HHAT: variants seen among roughly 807,000 people sequenced by gnomAD.
HHAT encodes hedgehog acyltransferase.
In HHAT, 47 loss-of-function variants were observed where a neutral mutation model predicts 70.8. The observed-to-expected ratio is 0.66, with a 90% CI of 0.53 to 0.85. The LOEUF (loss-of-function observed/expected upper bound fraction) is 0.85. Ranked by LOEUF, HHAT falls within the 40% of genes least tolerant of loss-of-function variation. HHAT has a pLI of 0.00. For synonymous variants in HHAT, 228 were observed against 247.6 expected, an observed-to-expected ratio of 0.92 and a Z score of 0.74; for missense variants, 609 against 604.8, an observed-to-expected ratio of 1.01 and a Z score of -0.07.
At chr1:210,667,921 T>A (rs1264263830) in intron 11 of HHAT, among the ~76,000 whole-genome samples, 1 of 152,194 alleles carries the variant, frequency 6.6e-6, no homozygotes, top group African/African-American at 2.4e-5. Flanking sequence ...CTCGAGTTTT[T>A]TTCGTCTTGC....
intron 9 of HHAT, among the ~76,000 whole-genome samples, chr1:210,580,585 C>T (rs551753775): frequency 8.1e-5 from 12 of 148,452 alleles, no homozygotes; most frequent in South Asian, 2.2e-4. Context: ...TGAGAACATG[C>T]GGTGTTTGGT....
intron 7 of HHAT, among the ~76,000 whole-genome samples, chr1:210,422,442 T>C (rs2092931501): frequency 6.6e-6 from 1 of 152,216 alleles, no homozygotes; most frequent in Non-Finnish European, 1.5e-5. Flanking sequence ...GTATTTTATC[T>C]TCTGTTTTTT....
chr1:210,489,742 G>A (rs1423745118), intron 8 of HHAT, among the ~76,000 whole-genome samples: 2 of 152,130 alleles, frequency 1.3e-5, no homozygotes, highest in South Asian at 4.1e-4. Flanking sequence ...TGTGAATCTG[G>A]GAAAACTGCC....
chr1:210,522,857 C>T (rs2095181496), intron 9 of HHAT, among the ~76,000 whole-genome samples: 1 of 152,092 alleles, frequency 6.6e-6, no homozygotes, highest in African/African-American at 2.4e-5. Flanking sequence ...TTAGATAACT[C>T]ATGAAACCTT....
intron 9 of HHAT, among the ~76,000 whole-genome samples, chr1:210,564,246 A>T (rs1224574380): frequency 6.6e-6 from 1 of 151,926 alleles, no homozygotes; most frequent in African/African-American, 2.4e-5. Flanking sequence ...TACAGGCATG[A>T]GCCACCGCGC....
intron 9 of HHAT, among the ~76,000 whole-genome samples, chr1:210,519,311 A>C (rs2095112493): frequency 6.6e-6 from 1 of 152,198 alleles, no homozygotes; most frequent in Non-Finnish European, 1.5e-5. Flanking sequence ...TGCAGTAAAC[A>C]TGGGAGTGCA....
intron 3 of HHAT, among the ~76,000 whole-genome samples, chr1:210,383,200 TGTG>T (rs2148124152): frequency 6.6e-6 from 1 of 151,930 alleles, no homozygotes; most frequent in South Asian, 2.1e-4. Context: ...ATTAGCCAGG[TGTG>T]GTGGTATGCA....
chr1:210,634,502 C>T (rs1317116026), intron 11 of HHAT, among the ~76,000 whole-genome samples: 1 of 152,178 alleles, frequency 6.6e-6, no homozygotes, highest in Non-Finnish European at 1.5e-5. Context: ...CTGAAAAATA[C>T]CAGACAACAT....
At chr1:210,626,785 G>C (rs942506361) in intron 11 of HHAT, among the ~76,000 whole-genome samples, 13 of 152,120 alleles carry the variant, frequency 8.5e-5, no homozygotes, top group Admixed American at 7.9e-4. Flanking sequence ...CTCAGTCTCT[G>C]CTGGGGGTGT....
At chr1:210,522,990 C>T (rs1033078631) in intron 9 of HHAT, among the ~76,000 whole-genome samples, 4 of 152,152 alleles carry the variant, frequency 2.6e-5, no homozygotes, top group African/African-American at 7.2e-5. Flanking sequence ...ACACTCCATG[C>T]AGATGTTAGT....
chr1:210,491,047 GACACAC>G (rs938038416), intron 8 of HHAT, among the ~76,000 whole-genome samples: 1 of 125,124 alleles, frequency 8.0e-6, no homozygotes, highest in African/African-American at 3.2e-5. Flanking sequence ...ATTTTTGTGA[GACACAC>G]ACACACACAT....
chr1:210,340,170 T>C (rs2085882039), intron 1 of HHAT, among the ~76,000 whole-genome samples: 1 of 139,718 alleles, frequency 7.2e-6, no homozygotes, highest in Non-Finnish European at 1.5e-5. Context: ...CAAAACCCAG[T>C]CTCTACTAAA....
At chr1:210,550,977 T>A (rs1306254979) in intron 9 of HHAT, among the ~76,000 whole-genome samples, 1 of 148,878 alleles carries the variant, frequency 6.7e-6, no homozygotes, top group Non-Finnish European at 1.5e-5. Flanking sequence ...CCAGAAGTGA[T>A]GACTTTTTAA....
At chr1:210,641,056 C>A (rs1158466272) in intron 11 of HHAT, among the ~76,000 whole-genome samples, 6 of 152,148 alleles carry the variant, frequency 3.9e-5, no homozygotes, top group African/African-American at 1.4e-4. Context: ...CTGAAAGGAA[C>A]CTTACCTTGT....
intron 8 of HHAT, among the ~76,000 whole-genome samples, chr1:210,508,025 C>G (rs1343581156): frequency 6.6e-6 from 1 of 150,802 alleles, no homozygotes; most frequent in African/African-American, 2.4e-5. Context: ...TGGTGAAACC[C>G]CATCTCTACT....
At chr1:210,366,994 C>G (rs1433442440) in intron 3 of HHAT, among the ~76,000 whole-genome samples, 4 of 152,140 alleles carry the variant, frequency 2.6e-5, no homozygotes, top group Non-Finnish European at 4.4e-5. Flanking sequence ...TCTCTGTGCT[C>G]AAGTCCATAT....
At chr1:210,465,443 G>A (rs955146272) in intron 8 of HHAT, among the ~76,000 whole-genome samples, 1 of 152,130 alleles carries the variant, frequency 6.6e-6, no homozygotes, top group African/African-American at 2.4e-5. Context: ...AAACCTAATG[G>A]AAGAACCTCA....
At chr1:210,476,815 G>T (rs542930595) in intron 8 of HHAT, among the ~76,000 whole-genome samples, 1 of 152,292 alleles carries the variant, frequency 6.6e-6, no homozygotes, top group East Asian at 1.9e-4. Flanking sequence ...AGAAATTCAG[G>T]ATCTTGGCTG....
At chr1:210,495,962 G>T (rs2094630754) in intron 8 of HHAT, among the ~76,000 whole-genome samples, 2 of 118,024 alleles carry the variant, frequency 1.7e-5, no homozygotes, top group South Asian at 5.4e-4. Context: ...AGTGAACCAA[G>T]ATCACACCAC....
Sources: allele counts gnomAD v4.1 joint callset (sites outside exome capture counted in the v4.1 genomes callset), GRCh38; gene constraint gnomAD v4.1.1; transcripts MANE v1.5; gene names NCBI Gene and HGNC (gene_info 2026-07-23, HGNC 2026-07-21).